GPR89B: variants seen among roughly 807,000 people sequenced by gnomAD.
GPR89B encodes the protein golgi pH regulator B.
A neutral mutation model predicts 52.4 loss-of-function variants in GPR89B; 25 were observed. The observed-to-expected ratio is 0.48, with a 90% CI of 0.35 to 0.67. The LOEUF is 0.67. Ranked by LOEUF, GPR89B falls within the 30% of genes least tolerant of loss-of-function variation. The pLI, the probability that GPR89B is intolerant of heterozygous loss-of-function variation, is 0.01. For missense variants in GPR89B, 146 were observed against 450.2 expected (o/e 0.32, Z 6.11); for synonymous variants, 52 against 151.2 (o/e 0.34, Z 4.81).
At chr1:148,003,634 C>A in the GPR89B span, among the ~76,000 whole-genome samples, 3 of 151,988 alleles carry the variant, frequency 2.0e-5, no homozygotes, top group African/African-American at 7.2e-5. Flanking sequence ...CAACATCAGA[C>A]CCTCATGTGA....
intron 5 of GPR89B, among the ~76,000 whole-genome samples, chr1:147,948,849 G>T (rs28490056): frequency 0.028 from 4,196 of 151,172 alleles, 177 homozygotes; most frequent in African/African-American, 0.096. Flanking sequence ...TGGAGGGAGG[G>T]TCAGCAGATA....
intron 8 of GPR89B, chr1:147,968,181 C>A (rs1435730603): frequency 9.1e-6 from 4 of 438,520 alleles, no homozygotes; most frequent in African/African-American, 2.0e-5. Context: ...CCCCTGTTCT[C>A]TAAATGGGAG....
chr1:147,992,759 T>G lies in GPR89B; in HGVS notation c.1210T>G (p.Leu404Val), dbSNP rs2149098447. The change falls in exon 14 of 14, where the codon TTA (leucine) becomes GTA (valine). Residue 404 changes from leucine (L) to valine (V), a missense_variant. Coordinates refer to ENST00000314163, the MANE Select transcript of GPR89B (RefSeq NM_016334.5). ...SVLLIRMSMP[L>V]EYRTIITEVL... ...GCTGCTGATCCGAATGAGTATGCCT[T>G]TAGAATACCGCACCATAATCACTGA... The G allele has an allele frequency of 7.2e-7, 1 of 1,394,590 alleles. No homozygotes were observed. The highest frequency in any genetic ancestry group is 1.0e-6 in the Non-Finnish European group (1 of 991,918). 86.4% of individuals were successfully genotyped at this position (1,394,590 alleles called of 1,614,324 possible).
At chr1:147,997,616 CGTG>C (rs1286310532), downstream of GPR89B, among the ~76,000 whole-genome samples, 1 of 152,186 alleles carries the variant, frequency 6.6e-6, no homozygotes, top group African/African-American at 2.4e-5. Context: ...GACAGCCTGT[CGTG>C]GGGCTTCTCA....
chr1:147,992,490 C>T lies in GPR89B; in HGVS notation c.1096-12C>T. 1 of 1,611,454 alleles carries T rather than the reference C, an allele frequency of 6.2e-7. No individual in the cohort carries two copies. Among genetic ancestry groups the T allele is most frequent in the African/African-American group, 1.3e-5 (1 of 74,860 alleles). On this transcript the variant is annotated splice_polypyrimidine_tract_variant and intron_variant, in intron 12 of 13. Transcript: ENST00000314163. The stretch of plus-strand genomic sequence containing the variant: ...CAGTACTGCATAAATTTATCTCCCT[C>T]TTTCTTGACAGTTCTTTTATGCCAT...
At chr1:148,019,071 G>A in the GPR89B span, among the ~76,000 whole-genome samples, 1 of 151,530 alleles carries the variant, frequency 6.6e-6, no homozygotes, top group South Asian at 2.1e-4. Flanking sequence ...CTACCTCCCA[G>A]GTTCAAGGGA....
chr1:147,989,278 C>T (rs1459379620), intron 12 of GPR89B, among the ~76,000 whole-genome samples: 3 of 151,904 alleles, frequency 2.0e-5, no homozygotes, highest in Non-Finnish European at 4.4e-5. Flanking sequence ...AAACTATATA[C>T]CAAGTCCTCA....
the GPR89B span, among the ~76,000 whole-genome samples, chr1:148,021,318 T>C: frequency 6.6e-6 from 1 of 151,414 alleles, no homozygotes; most frequent in African/African-American, 2.4e-5. Context: ...CTGGCTAACA[T>C]GGTGAAACCC....
In GPR89B at chr1:147,936,628, T is replaced by C; in HGVS notation, c.44T>C (p.Ile15Thr). 1 of 1,610,810 alleles carries C rather than the reference T, an allele frequency of 6.2e-7. No individual in the cohort carries two copies. Among genetic ancestry groups the C allele is most frequent in the Admixed American group, 1.7e-5 (1 of 59,900 alleles). ...CATTCTATCTTCTTTCTCCTCCAGA[T>C]ACTATTTTTTGGATTTGGGTGGCTT... ...IDSSIMITSQILFFGFGWLFF... is the reference protein window; with the variant it reads ...IDSSIMITSQTLFFGFGWLFF... The change falls in exon 2 of 14, where the codon ATA becomes ACA. Residue 15 changes from isoleucine to threonine, a missense_variant and splice_region_variant. Physicochemically the swap from Ile to Thr is moderately conservative, Grantham distance 89. Coordinates refer to ENST00000314163, the MANE Select transcript of GPR89B (RefSeq NM_016334.5).
At chr1:147,997,933 A>G (rs1233906639), downstream of GPR89B, among the ~76,000 whole-genome samples, 4 of 152,208 alleles carry the variant, frequency 2.6e-5, no homozygotes, top group Admixed American at 6.5e-5. Context: ...TGTTGTAAGC[A>G]TTAGCTGTCA....
intron 1 of GPR89B, among the ~76,000 whole-genome samples, chr1:147,930,947 C>T (rs4272678): frequency 6.6e-6 from 1 of 152,124 alleles, no homozygotes; most frequent in African/African-American, 2.4e-5. Flanking sequence ...AAGTTGAACA[C>T]CCAAGAAGCT....
the GPR89B span, among the ~76,000 whole-genome samples, chr1:148,025,361 A>G: frequency 6.6e-6 from 1 of 151,734 alleles, no homozygotes; most frequent in Admixed American, 6.5e-5. Flanking sequence ...TTTAATAGGT[A>G]AAGAATCATA....
At position 147,979,346 on chromosome 1, in the gene GPR89B, ATCCT is replaced by A. The variant is rs1658068755; in HGVS notation, c.910-6842_910-6839del. 7.9e-5 allele frequency among the ~76,000 whole-genome samples: 12 copies of A among 151,952 alleles called. 1 individual carries two copies. The South Asian group carries it at 2.3e-3, about 29-fold the overall frequency. The stretch of plus-strand genomic sequence containing the variant: ...TTTTAATTAAGTTGTTCCTTTCCCC[ATCCT>A]TCCTTCCTTCTTCTTATCCTTTTTC... On this transcript the variant is annotated intron_variant, in intron 10 of 13. Transcript: ENST00000314163.
intron 3 of GPR89B, among the ~76,000 whole-genome samples, chr1:147,942,526 C>G (rs1654643564): frequency 6.6e-6 from 1 of 152,134 alleles, no homozygotes; most frequent in African/African-American, 2.4e-5. Flanking sequence ...CCTAGCGTCT[C>G]TATTTATAAT....
chr1:147,935,340 G>A (rs1553247701), intron 1 of GPR89B, among the ~76,000 whole-genome samples: 1 of 152,120 alleles, frequency 6.6e-6, no homozygotes, highest in Admixed American at 6.5e-5. Flanking sequence ...AAAGTAGTCT[G>A]TGCTAAACTA....
chr1:148,023,499 GTTCT>G, the GPR89B span, among the ~76,000 whole-genome samples: 2 of 138,402 alleles, frequency 1.4e-5, no homozygotes, highest in Non-Finnish European at 3.1e-5. Flanking sequence ...TCTGTTGTAG[GTTCT>G]TTGAGAAATC....
At chr1:148,018,817 C>T in the GPR89B span, among the ~76,000 whole-genome samples, 2 of 151,516 alleles carry the variant, frequency 1.3e-5, no homozygotes, top group Non-Finnish European at 1.5e-5. Context: ...CAGGCATGTG[C>T]GACCATACCC....
chr1:148,001,767 T>C, the GPR89B span, among the ~76,000 whole-genome samples: 1 of 150,646 alleles, frequency 6.6e-6, no homozygotes, highest in Non-Finnish European at 1.5e-5. Context: ...ATAATCCTGT[T>C]ACTAAAAGCA....
chr1:147,975,153 T>C (rs1272592260), intron 10 of GPR89B, among the ~76,000 whole-genome samples: 1 of 131,616 alleles, frequency 7.6e-6, no homozygotes, highest in Non-Finnish European at 1.6e-5. Context: ...GTTGTATCTC[T>C]GCCAGATTTT....
Sources: allele counts gnomAD v4.1 joint callset (sites outside exome capture counted in the v4.1 genomes callset), GRCh38; gene constraint gnomAD v4.1.1; transcripts MANE v1.5; gene names NCBI Gene and HGNC (gene_info 2026-07-23, HGNC 2026-07-21).